The following GLIS3 variants were observed in gnomAD, a reference collection of about 807,000 sequenced individuals.
The protein encoded by GLIS3 is GLIS family zinc finger 3.
GLIS3 carries 53 observed loss-of-function variants against 78.6 expected under a neutral mutation model. The ratio of observed to expected loss-of-function variants is 0.67; its 90% CI spans 0.54 to 0.85. The LOEUF (loss-of-function observed/expected upper bound fraction) is 0.85. Among genes scored for constraint, GLIS3 ranks in the 40% least tolerant of loss-of-function variants. The pLI is 0.00. For missense variants in GLIS3, 1,703 were observed against 1,231.1 expected, an observed-to-expected ratio of 1.38 and a Z score of -5.74; for synonymous variants, 684 against 509.9, an observed-to-expected ratio of 1.34 and a Z score of -4.60.
At chr9:4,125,640 G>A in intron 3 of GLIS3, 94 bp downstream of exon 3, 1 of 849,292 alleles carries the variant, frequency 1.2e-6, no homozygotes. Flanking sequence ...ATGAGTGTGT[G>A]TGTGTGTGTG....
intron 4 of GLIS3, among the ~76,000 whole-genome samples, chr9:4,050,115 T>A (rs1373207017): frequency 6.6e-6 from 1 of 152,096 alleles, no homozygotes; most frequent in Non-Finnish European, 1.5e-5. Context: ...ACCAAAGGTT[T>A]ATAAATCATG....
At chr9:3,950,368 C>T (rs1446489538) in intron 4 of GLIS3, among the ~76,000 whole-genome samples, 1 of 152,096 alleles carries the variant, frequency 6.6e-6, no homozygotes, top group African/African-American at 2.4e-5. Flanking sequence ...AAAGATTTCC[C>T]ACTGGTTTTC....
the GLIS3 span, among the ~76,000 whole-genome samples, chr9:4,451,095 A>C: frequency 6.6e-6 from 1 of 152,360 alleles, no homozygotes; most frequent in Admixed American, 6.5e-5. Flanking sequence ...TGCTGTATTC[A>C]GGAAACCCAT....
At chr9:4,042,883 T>C (rs992608451) in intron 4 of GLIS3, among the ~76,000 whole-genome samples, 5 of 150,228 alleles carry the variant, frequency 3.3e-5, no homozygotes, top group African/African-American at 7.4e-5. Context: ...AACTTGAAAG[T>C]ACACATTATT....
chr9:3,847,060 T>A (rs1819093726), intron 9 of GLIS3, among the ~76,000 whole-genome samples: 1 of 152,112 alleles, frequency 6.6e-6, no homozygotes, highest in Non-Finnish European at 1.5e-5. Context: ...GGCAAGCGCC[T>A]GTAATCTCAG....
chr9:4,065,489 C>T (rs1251775088), intron 4 of GLIS3, among the ~76,000 whole-genome samples: 1 of 152,150 alleles, frequency 6.6e-6, no homozygotes, highest in Non-Finnish European at 1.5e-5. Flanking sequence ...AATTTAATAT[C>T]AAATTTGTTT....
At chr9:4,040,049 C>T (rs1470138705) in intron 4 of GLIS3, among the ~76,000 whole-genome samples, 1 of 152,058 alleles carries the variant, frequency 6.6e-6, no homozygotes, top group African/African-American at 2.4e-5. Flanking sequence ...TAACTGAGAC[C>T]TCCTGTTTAA....
chr9:3,957,991 A>G (rs1817263212), intron 4 of GLIS3, among the ~76,000 whole-genome samples: 1 of 152,184 alleles, frequency 6.6e-6, no homozygotes, highest in African/African-American at 2.4e-5. Context: ...TGGCAGCAAA[A>G]TGTCACACTC....
intron 8 of GLIS3, among the ~76,000 whole-genome samples, chr9:3,869,031 G>A (rs73640776): frequency 0.017 from 2,551 of 152,096 alleles, 74 homozygotes; most frequent in African/African-American, 0.059. Context: ...GGTGTCTTCC[G>A]TTAGACTGGA....
chr9:3,990,974 T>A (rs1233772074), intron 4 of GLIS3, among the ~76,000 whole-genome samples: 2 of 152,178 alleles, frequency 1.3e-5, no homozygotes, highest in Admixed American at 6.5e-5. Context: ...CAGTTTTGTT[T>A]AGCCAGGAAT....
the GLIS3 span, among the ~76,000 whole-genome samples, chr9:4,467,155 C>G: frequency 6.6e-6 from 1 of 152,198 alleles, no homozygotes; most frequent in Non-Finnish European, 1.5e-5. Context: ...GGGTGGAGCC[C>G]ACCACAGCTC....
At chr9:3,938,431 T>A (rs1219295344) in intron 4 of GLIS3, among the ~76,000 whole-genome samples, 1 of 152,208 alleles carries the variant, frequency 6.6e-6, no homozygotes, top group Non-Finnish European at 1.5e-5. Flanking sequence ...TCTTACTTAC[T>A]ATAATAGATG....
intron 3 of GLIS3, among the ~76,000 whole-genome samples, chr9:4,124,264 G>T (rs1018952875): frequency 3.9e-5 from 6 of 152,134 alleles, no homozygotes; most frequent in Non-Finnish European, 5.9e-5. Flanking sequence ...AATCGTTAAG[G>T]TGTTGTCTTT....
chr9:4,380,187 T>A, the GLIS3 span, among the ~76,000 whole-genome samples: 1 of 152,244 alleles, frequency 6.6e-6, no homozygotes, highest in African/African-American at 2.4e-5. Context: ...TTATTGACTC[T>A]TCCTTAAGAA....
At chr9:3,891,671 T>C (rs993035418) in intron 7 of GLIS3, among the ~76,000 whole-genome samples, 6 of 152,178 alleles carry the variant, frequency 3.9e-5, no homozygotes, top group African/African-American at 1.4e-4. Flanking sequence ...CACTGCACTC[T>C]AGCGTGAGTG....
intron 4 of GLIS3, among the ~76,000 whole-genome samples, chr9:3,970,527 A>G (rs1741290382): frequency 6.6e-6 from 1 of 152,118 alleles, no homozygotes; most frequent in African/African-American, 2.4e-5. Flanking sequence ...ATACAGAAAT[A>G]AGAGACTACC....
chr9:3,984,804 G>C (rs937308074), intron 4 of GLIS3, among the ~76,000 whole-genome samples: 13 of 152,150 alleles, frequency 8.5e-5, no homozygotes, highest in Non-Finnish European at 1.8e-4. Flanking sequence ...AACCCAGTGG[G>C]AAGTGATTGA....
At chr9:4,441,376 T>A in the GLIS3 span, among the ~76,000 whole-genome samples, 3 of 152,246 alleles carry the variant, frequency 2.0e-5, no homozygotes, top group East Asian at 5.8e-4. Context: ...ATGTTGAATT[T>A]CGTCAAATGC....
At chr9:4,479,871 A>G in the GLIS3 span, among the ~76,000 whole-genome samples, 1 of 148,214 alleles carries the variant, frequency 6.7e-6, no homozygotes, top group African/African-American at 2.5e-5. Context: ...CCTTCTTCCC[A>G]TCATTCTCTT....
Sources: gnomAD v4.1 joint callset for allele counts (sites outside exome capture counted in the v4.1 genomes callset) on GRCh38, gnomAD v4.1.1 for gene constraint, MANE v1.5 for transcripts, NCBI Gene and HGNC (gene_info 2026-07-23, HGNC 2026-07-21) for gene names.